The following PCNX1 variants were observed in gnomAD, a reference collection of about 807,000 sequenced individuals.
PCNX1 encodes pecanex 1.
A neutral mutation model predicts 242.2 loss-of-function variants in PCNX1; 78 were observed. The observed-to-expected ratio is 0.32, with a 90% CI of 0.27 to 0.39. PCNX1 has a LOEUF of 0.39. Among genes scored for constraint, PCNX1 ranks in the 10% least tolerant of loss-of-function variants. The probability of loss-of-function intolerance (pLI) is 1.00; values close to 1 mark genes in which losing one functional copy is unlikely to be tolerated. For synonymous variants in PCNX1, 1,024 were observed against 1,032.9 expected, an observed-to-expected ratio of 0.99 and a Z score of 0.17; for missense variants, 2,581 against 2,856.5, an observed-to-expected ratio of 0.90 and a Z score of 2.20.
intron 1 of PCNX1, among the ~76,000 whole-genome samples, chr14:70,914,948 T>G (rs1364662284): frequency 1.3e-5 from 2 of 152,160 alleles, no homozygotes; most frequent in Non-Finnish European, 2.9e-5. Context: ...GAGTCAGTCC[T>G]CTCATCCTTG....
At chr14:70,945,453 TTAAAAA>T (rs1304877138) in intron 1 of PCNX1, among the ~76,000 whole-genome samples, 8 of 152,176 alleles carry the variant, frequency 5.3e-5, no homozygotes, top group Non-Finnish European at 1.0e-4. Context: ...ATCCAAGTAT[TTAAAAA>T]TAACAAATAT....
intron 2 of PCNX1, among the ~76,000 whole-genome samples, chr14:70,949,030 GTA>G (rs1032141543): frequency 6.9e-6 from 1 of 145,482 alleles, no homozygotes; most frequent in African/African-American, 2.6e-5. Context: ...AAATGTGTGT[GTA>G]TATATACACA....
At chr14:70,917,544 T>A (rs2140058365) in intron 1 of PCNX1, among the ~76,000 whole-genome samples, 1 of 152,332 alleles carries the variant, frequency 6.6e-6, no homozygotes, top group East Asian at 1.9e-4. Flanking sequence ...GGAATCTTTT[T>A]TTCAGACCAG....
rs577462883 is a variant in PCNX1 at position 71,104,601 on chromosome 14, C to G, written c.6096-634C>G. ...TTAGGTTTTCAGGGGTTACATACTT[C>G]AGAGTCACTGAACAGACATTGGCAC... On this transcript the variant is annotated intron_variant, in intron 32 of 35. Transcript: ENST00000304743. Among the ~76,000 whole-genome samples, 13 of 152,264 alleles carry G rather than the reference C, an allele frequency of 8.5e-5. 1 individual carries two copies. In the South Asian group the frequency reaches 2.7e-3, roughly 32 times the overall value.
intron 10 of PCNX1, chr14:71,012,537 T>G (rs945037581): frequency 1.1e-5 from 2 of 189,190 alleles, no homozygotes; most frequent in African/African-American, 4.8e-5. Context: ...TCATAACATA[T>G]TCATAAAGAG....
chr14:70,943,894 A>G lies in PCNX1; in HGVS notation c.154-3021A>G, dbSNP rs376341351. On this transcript the variant is annotated intron_variant, in intron 1 of 35. Coordinates refer to ENST00000304743, the MANE Select transcript of PCNX1 (RefSeq NM_014982.3). ...TCAGGCTGTTGCTTCAGAGGGTGCA[A>G]GCATCAAGCATTGGTGCCTTACATG... Among the ~76,000 whole-genome samples, 539 of 152,356 alleles carry G rather than the reference A, an allele frequency of 3.5e-3. 1 individual carries two copies. The highest frequency in any genetic ancestry group is 0.013 in the African/African-American group (523 of 41,592).
At chr14:71,057,127 C>G (rs2061204124) in intron 25 of PCNX1, among the ~76,000 whole-genome samples, 1 of 152,042 alleles carries the variant, frequency 6.6e-6, no homozygotes, top group Admixed American at 6.6e-5. Flanking sequence ...ACTTCCTTTA[C>G]TAAATAGTCT....
intron 8 of PCNX1, among the ~76,000 whole-genome samples, chr14:71,005,949 G>T (rs1420699724): frequency 2.7e-5 from 4 of 149,074 alleles, no homozygotes; most frequent in Admixed American, 6.6e-5. Flanking sequence ...TTGAGACAGG[G>T]TCTCACTCTC....
Position 70,988,636 on chromosome 14 carries a change from G to C in PCNX1, c.2381G>C (p.Arg794Pro). 6.2e-7 allele frequency: 1 copy of C among 1,614,052 alleles called. No individual in the cohort carries two copies. The highest frequency in any genetic ancestry group is 8.5e-7 in the Non-Finnish European group (1 of 1,179,986). The change falls in exon 7 of 36, where the codon CGG becomes CCG. Residue 794 changes from arginine (R) to proline (P), a missense_variant. Around this residue, in one of 9 missense-constraint regions of PCNX1, gnomAD observed 1,204 missense variants for 1,216.7 expected, o/e 0.99. Transcript: ENST00000304743. ...ERSTFRRQAV[R>P]RRHNAGSNPT... ...AGCACATTTAGGCGCCAGGCAGTAC[G>C]GCGCCGGCACAATGCAGGGAGTAAC... is the stretch of plus-strand genomic sequence containing the variant.
chr14:70,995,169 G>T (rs921452412), intron 7 of PCNX1, among the ~76,000 whole-genome samples: 2 of 152,094 alleles, frequency 1.3e-5, no homozygotes, highest in African/African-American at 2.4e-5. Context: ...GTATTTCATT[G>T]GTTGAGTCAG....
intron 31 of PCNX1, 59 bp downstream of exon 31, chr14:71,102,279 A>AT: frequency 1.2e-5 from 17 of 1,399,846 alleles, no homozygotes; most frequent in East Asian, 2.3e-5. Context: ...CTTGATCTAA[A>AT]ATTTTTTTTT....
intron 24 of PCNX1, among the ~76,000 whole-genome samples, chr14:71,052,305 G>A (rs547039899): frequency 6.6e-6 from 1 of 151,672 alleles, no homozygotes. Context: ...CCACCTCCTG[G>A]GGGGCTCAAG....
chr14:71,026,105 T>C lies in PCNX1; in HGVS notation c.3184-12T>C. ...ATTAACCAAACTGACTTTTAAAAAA[T>C]ATCATTTTCAGGGTCATAATCGTAT... On this transcript the variant is annotated splice_polypyrimidine_tract_variant and intron_variant, in intron 13 of 35. Transcript: ENST00000304743. 1 of 1,516,844 alleles carries C rather than the reference T, an allele frequency of 6.6e-7. No homozygotes were observed. The highest frequency in any genetic ancestry group is 8.9e-7 in the Non-Finnish European group (1 of 1,121,650). The allele number at this position is 1,516,844 out of a possible 1,614,324, so 94.0% of individuals were successfully genotyped here.
chr14:71,005,201 G>C (rs529022010), intron 8 of PCNX1, among the ~76,000 whole-genome samples: 1 of 152,158 alleles, frequency 6.6e-6, no homozygotes, highest in Non-Finnish European at 1.5e-5. Flanking sequence ...AGAAAAATGA[G>C]TGATGTCAAG....
At chr14:70,933,119 C>T (rs952367003) in intron 1 of PCNX1, among the ~76,000 whole-genome samples, 6 of 152,148 alleles carry the variant, frequency 3.9e-5, no homozygotes, top group African/African-American at 1.4e-4. Context: ...GCTAGAGGAG[C>T]TGTTTTCAGA....
At chr14:70,915,944 AAAGGATG>A (rs1285107151) in intron 1 of PCNX1, among the ~76,000 whole-genome samples, 2 of 152,184 alleles carry the variant, frequency 1.3e-5, no homozygotes, top group Admixed American at 1.3e-4. Flanking sequence ...ATGAAGGGAT[AAAGGATG>A]AAGGATGAAG....
chr14:70,936,411 C>G (rs1002250442), intron 1 of PCNX1, among the ~76,000 whole-genome samples: 6 of 151,794 alleles, frequency 4.0e-5, no homozygotes, highest in African/African-American at 1.5e-4. Flanking sequence ...ACAGTTTGCT[C>G]AGAATGATGG....
At position 71,108,924 on chromosome 14, in the gene PCNX1, C is replaced by G. The variant is rs2062696157; in HGVS notation, c.6622C>G (p.Leu2208Val). The change falls in exon 34 of 36, where the codon CTC becomes GTC. Residue 2208 changes from leucine (L) to valine (V), a missense_variant. Leu to Val is a conservative substitution (Grantham distance 32). This residue lies in a region of PCNX1 where 432 missense variants were observed against 433.6 expected (regional missense o/e 1.00). Transcript: ENST00000304743. ...QSIPACKHHT[L>V]VGFLATEGGQ... The stretch of plus-strand genomic sequence containing the variant: ...CATCCCAGCCTGCAAACATCACACT[C>G]TCGTGGGCTTTCTTGCGACAGAGGG... The G allele has an allele frequency of 5.6e-6, 9 of 1,614,232 alleles. No homozygotes were observed. The highest frequency in any genetic ancestry group is 6.8e-6 in the Non-Finnish European group (8 of 1,180,034).
intron 28 of PCNX1, among the ~76,000 whole-genome samples, chr14:71,080,028 C>T (rs1413850540): frequency 1.3e-5 from 2 of 152,122 alleles, no homozygotes; most frequent in African/African-American, 2.4e-5. Flanking sequence ...GTCTTTAATC[C>T]GTCTTGAGTT....
Sources: allele counts gnomAD v4.1 joint callset (sites outside exome capture counted in the v4.1 genomes callset), GRCh38; gene constraint gnomAD v4.1.1; regional missense constraint gnomAD v4.1.1; transcripts MANE v1.5; gene names NCBI Gene and HGNC (gene_info 2026-07-23, HGNC 2026-07-21).